Variants in SLC27A3 observed in about 807,000 individuals in gnomAD.
The protein encoded by SLC27A3 is long-chain fatty acid transport protein 3.
In SLC27A3, 60 loss-of-function variants were observed where a neutral mutation model predicts 60.1. The observed-to-expected ratio is 1.00, with a 90% CI of 0.81 to 1.24. The LOEUF is 1.24. Among genes scored for constraint, SLC27A3 ranks in the 50% most tolerant of loss-of-function variants. The probability of loss-of-function intolerance (pLI) is 0.00; values close to 1 mark genes in which losing one functional copy is unlikely to be tolerated. For missense variants in SLC27A3, 1,079 were observed against 929.9 expected (o/e 1.16, Z -2.09); for synonymous variants, 455 against 409.0 (o/e 1.11, Z -1.36).
chr1:153,779,995 G>A lies in SLC27A3; in HGVS notation c.2045G>A (p.Arg682Gln), dbSNP rs201820055. The A allele has an allele frequency of 7.0e-5, 112 of 1,611,326 alleles. No homozygotes were observed. The highest frequency in any genetic ancestry group is 4.7e-4 in the African/African-American group (35 of 74,952). The change falls in exon 10 of 10, where the codon CGA becomes CAA. Residue 682 changes from arginine to glutamine, a missense_variant. Arg to Gln is a conservative substitution (Grantham distance 43). Coordinates refer to ENST00000624995, the MANE Select transcript of SLC27A3 (RefSeq NM_024330.4). ...AGCGCCCTCCTGGCAGGAAACCTTC[G>A]AATCTGAGAACTTCCACACCTGAGG... ...RYSALLAGNL[R>Q]I
chr1:153,776,493 G>C, intron 1 of SLC27A3, 25 bp from the exon 2 acceptor site: 1 of 1,601,330 alleles, frequency 6.2e-7, no homozygotes, highest in Non-Finnish European at 8.5e-7. Context: ...CAGGGCCCCG[G>C]CGTTGTGCTT....
At chr1:153,778,393 G>A (rs1673346865) in intron 5 of SLC27A3, 38 bp downstream of exon 5, 4 of 1,613,846 alleles carry the variant, frequency 2.5e-6, no homozygotes, top group Non-Finnish European at 2.5e-6. Context: ...CCGTGGAACA[G>A]CAGAGGGCTG....
chr1:153,778,925 T>C, intron 7 of SLC27A3, 40 bp downstream of exon 7: 1 of 1,593,000 alleles, frequency 6.3e-7, no homozygotes, highest in Non-Finnish European at 8.6e-7. Flanking sequence ...GGACATCTGA[T>C]CTCTGTGATC....
chr1:153,779,491 C>T lies in SLC27A3; in HGVS notation c.1875+18C>T. 2 of 1,608,150 alleles carry T rather than the reference C, an allele frequency of 1.2e-6. No homozygotes were observed. The highest frequency in any genetic ancestry group is 1.7e-6 in the Non-Finnish European group (2 of 1,178,324). ...GGCTCCAGGTAACCGGCCACTTCCC[C>T]CGCCGGCCCCTCACCCCATATATCC... On this transcript the variant is annotated intron_variant, in intron 9 of 9. Coordinates refer to ENST00000624995, the MANE Select transcript of SLC27A3 (RefSeq NM_024330.4).
At chr1:153,778,137 C>CG (rs1558021447) in intron 4 of SLC27A3, 24 bp from the exon 5 acceptor site, 1 of 1,586,154 alleles carries the variant, frequency 6.3e-7, no homozygotes, top group South Asian at 1.1e-5. Flanking sequence ...GCTGAAGCTC[C>CG]GGCCCCTCTC....
chr1:153,777,421 A>G (rs1673286890), intron 3 of SLC27A3: 1 of 671,200 alleles, frequency 1.5e-6, no homozygotes. Flanking sequence ...ATACAGCCAC[A>G]TAACTCCAGG....
rs775572217 is a variant in SLC27A3, at chr1:153,776,135, G to A, written c.638G>A (p.Cys213Tyr). The stretch of plus-strand genomic sequence containing the variant: ...CCCCTGCTGCACTGCCTCCGCAGCT[G>A]CGGCGCGCGCGCGCTGGTGCTGGCG... ...RGPLLHCLRS[C>Y]GARALVLAPE... Residue 213 changes from cysteine to tyrosine, a missense_variant, in exon 1 of 10, where the codon TGC (cysteine) becomes TAC (tyrosine). Coordinates refer to ENST00000624995, the MANE Select transcript of SLC27A3 (RefSeq NM_024330.4). 1 of 1,436,874 alleles carries A rather than the reference G, an allele frequency of 7.0e-7. No individual in the cohort carries two copies. The highest frequency in any genetic ancestry group is 9.0e-7 in the Non-Finnish European group (1 of 1,108,336). The allele number at this position is 1,436,874 out of a possible 1,614,324, so 89.0% of individuals were successfully genotyped here.
In SLC27A3 at chr1:153,775,679, C is replaced by T; in HGVS notation, c.182C>T (p.Pro61Leu). Residue 61 changes from proline to leucine, a missense_variant, in exon 1 of 10, where the codon CCC (proline) becomes CTC (leucine). Pro to Leu is a moderately conservative substitution (Grantham distance 98). Transcript: ENST00000624995. ...LAAAAADPEGPEGGCSLAWRL... is the reference protein window; with the variant it reads ...LAAAAADPEGLEGGCSLAWRL... ...GCGGCTGCCGCCGACCCGGAAGGTC[C>T]CGAGGGGGGCTGCAGCCTGGCCTGG... is the stretch of plus-strand genomic sequence containing the variant. The T allele has an allele frequency of 6.5e-7, 1 of 1,533,576 alleles. No individual in the cohort carries two copies. The highest frequency in any genetic ancestry group is 8.8e-7 in the Non-Finnish European group (1 of 1,142,508). The allele number at this position is 1,533,576 out of a possible 1,614,324, so 95.0% of individuals were successfully genotyped here.
chr1:153,778,793 G>T lies in SLC27A3; in HGVS notation c.1554G>T (p.Arg518=). 1.2e-6 allele frequency: 2 copies of T among 1,614,120 alleles called. No homozygotes were observed. Among genetic ancestry groups the T allele is most frequent in the Non-Finnish European group, 1.7e-6 (2 of 1,180,004 alleles). ...AQGKLLKDVF[R]PGDVFFNTGD... Reference sequence around the variant, plus strand: ...GGAAGTTGCTAAAGGATGTCTTCCGGCCTGGGGATGTTTTCTTCAACACTG... The same window carrying T: ...GGAAGTTGCTAAAGGATGTCTTCCGTCCTGGGGATGTTTTCTTCAACACTG... Residue 518 remains arginine, a synonymous_variant, in exon 7 of 10, where the codon CGG becomes CGT. Transcript: ENST00000624995.
chr1:153,775,536 A>G lies in SLC27A3; in HGVS notation c.39A>G (p.Leu13=), dbSNP rs1343647443. The G allele has an allele frequency of 9.3e-6, 15 of 1,612,326 alleles. No individual in the cohort carries two copies. In the Middle Eastern group the frequency reaches 4.9e-4, roughly 53 times the overall value. The stretch of plus-strand genomic sequence containing the variant: ...TGCTGCTGCCCCTGCTGCTGTTGCT[A>G]CCGCTGCTGCTGCTGAAGCTACACC... The part of the protein sequence containing the change: ...ALLLLPLLLL[L]PLLLLKLHLW... The change falls in exon 1 of 10, where the codon CTA becomes CTG. Residue 13 remains leucine, a synonymous_variant. Coordinates refer to ENST00000624995, the MANE Select transcript of SLC27A3 (RefSeq NM_024330.4).
At position 153,775,947 on chromosome 1, in the gene SLC27A3, A is replaced by C. The variant is rs902750457; in HGVS notation, c.450A>C (p.Gly150=). The C allele has an allele frequency of 6.9e-7, 1 of 1,449,748 alleles. No homozygotes were observed. Among genetic ancestry groups the C allele is most frequent in the African/African-American group, 1.5e-5 (1 of 67,160 alleles). 89.8% of individuals were successfully genotyped at this position (1,449,748 alleles called of 1,614,324 possible). ...CCGGAAGCGGCGCGGAGTTTGCCGG[A>C]GGGGACGGTGCCGCCAGAGGTGGAG... ...AAAGSGAEFA[G]GDGAARGGGA... The change falls in exon 1 of 10, where the codon GGA becomes GGC. Residue 150 remains glycine (G), a synonymous_variant. Transcript: ENST00000624995.
chr1:153,777,212 T>G lies in SLC27A3; in HGVS notation c.1028T>G (p.Met343Arg). The G allele has an allele frequency of 6.2e-7, 1 of 1,614,246 alleles. No individual in the cohort carries two copies. Among genetic ancestry groups the G allele is most frequent in the Non-Finnish European group, 8.5e-7 (1 of 1,180,042 alleles). Residue 343 changes from methionine to arginine, a missense_variant, in exon 3 of 10, where the codon ATG becomes AGG. Met to Arg is a moderately conservative substitution (Grantham distance 91). Transcript: ENST00000624995. ...TCCCTGCTGGGCATCGTGGGCTGCATGGGCATTGGTCAGTCTCCCCAACCC... is the reference window on the plus strand; with the variant it reads ...TCCCTGCTGGGCATCGTGGGCTGCAGGGGCATTGGTCAGTCTCCCCAACCC... The part of the protein sequence containing the change: ...SGSLLGIVGC[M>R]GIGATVVLKS...
chr1:153,776,029 C>A lies in SLC27A3; in HGVS notation c.532C>A (p.Pro178Thr). The change falls in exon 1 of 10, where the codon CCA (proline) becomes ACA (threonine). Residue 178 changes from proline to threonine, a missense_variant. Pro to Thr is a conservative substitution (Grantham distance 38). Transcript: ENST00000624995. ...ATVALLLPAGPEFLWLWFGLA... is the reference protein window; with the variant it reads ...ATVALLLPAGTEFLWLWFGLA... Reference sequence around the variant, plus strand: ...TGTGGCGCTGCTCCTCCCCGCTGGCCCAGAGTTTCTGTGGCTCTGGTTCGG... The same window carrying A: ...TGTGGCGCTGCTCCTCCCCGCTGGCACAGAGTTTCTGTGGCTCTGGTTCGG... 1 of 1,454,462 alleles carries A rather than the reference C, an allele frequency of 6.9e-7. No individual in the cohort carries two copies. The highest frequency in any genetic ancestry group is 9.0e-7 in the Non-Finnish European group (1 of 1,110,936). 90.1% of individuals were successfully genotyped at this position (1,454,462 alleles called of 1,614,324 possible).
rs112622728 is a variant in SLC27A3, at chr1:153,779,301, G to A, written c.1745-42G>A. 2,813 of 1,613,692 alleles carry A rather than the reference G, an allele frequency of 1.7e-3. 4 individuals carry two copies. Among genetic ancestry groups the A allele is most frequent in the Non-Finnish European group, 2.2e-3 (2,607 of 1,179,672 alleles). Reference sequence around the variant, plus strand: ...CAGGGAGCACGAGGCCTTCGTGGTGGTCAGCCATGGAGGGGCTTACTCTGT... The same window carrying A: ...CAGGGAGCACGAGGCCTTCGTGGTGATCAGCCATGGAGGGGCTTACTCTGT... On this transcript the variant is annotated intron_variant, in intron 8 of 9. Transcript: ENST00000624995.
Position 153,778,231 on chromosome 1 carries a change from G to A in SLC27A3, c.1232G>A (p.Arg411His), listed in dbSNP as rs201939587. The change falls in exon 5 of 10, where the codon CGT (arginine) becomes CAT (histidine). Residue 411 changes from arginine (R) to histidine (H), a missense_variant. Physicochemically the swap from Arg to His is conservative, Grantham distance 29 (BLOSUM62 0). Coordinates refer to ENST00000624995, the MANE Select transcript of SLC27A3 (RefSeq NM_024330.4). The part of the protein sequence containing the change: ...GSGLRPDTWE[R>H]FVRRFGPLQV... ...GGGCTGCGCCCAGATACCTGGGAGC[G>A]TTTTGTGCGGCGCTTCGGGCCCCTG... 1.4e-4 allele frequency: 222 copies of A among 1,613,830 alleles called. 1 individual carries two copies. The South Asian group carries it at 1.6e-3, about 11-fold the overall frequency.
chr1:153,778,008 TAAG>T lies in SLC27A3; in HGVS notation c.1161+124_1161+126del, dbSNP rs369160355. The T allele has an allele frequency of 4.0e-6, 6 of 1,505,952 alleles. No individual in the cohort carries two copies. In the East Asian group the frequency reaches 1.4e-4, roughly 35 times the overall value. 93.3% of individuals were successfully genotyped at this position (1,505,952 alleles called of 1,614,324 possible). On this transcript the variant is annotated intron_variant, in intron 4 of 9. Coordinates refer to ENST00000624995, the MANE Select transcript of SLC27A3 (RefSeq NM_024330.4). Reference sequence around the variant, plus strand: ...GCAAGAAGAAAATGGCAGTGTAAGATAAGGAGCCAGAGATGGCCTAGGCCATCT... The same window carrying T: ...GCAAGAAGAAAATGGCAGTGTAAGATGAGCCAGAGATGGCCTAGGCCATCT...
chr1:153,776,588 C>T lies in SLC27A3; in HGVS notation c.738C>T (p.Gly246=). 3 of 1,614,192 alleles carry T rather than the reference C, an allele frequency of 1.9e-6. No homozygotes were observed. The highest frequency in any genetic ancestry group is 2.2e-5 in the East Asian group (1 of 44,880). ...TGGGGCTCCACCTGTGGGCTGCAGGCCCAGGAACCCACCCTGCTGGAATTA... is the reference window on the plus strand; with the variant it reads ...TGGGGCTCCACCTGTGGGCTGCAGGTCCAGGAACCCACCCTGCTGGAATTA... ...RAMGLHLWAA[G]PGTHPAGISD... is the part of the protein sequence containing the mutation. Residue 246 remains glycine (G), a synonymous_variant, in exon 2 of 10, where the codon GGC becomes GGT. Coordinates refer to ENST00000624995, the MANE Select transcript of SLC27A3 (RefSeq NM_024330.4).
In SLC27A3 at chr1:153,778,796, T is replaced by C; in HGVS notation, c.1557T>C (p.Pro519=). The C allele has an allele frequency of 6.2e-7, 1 of 1,614,132 alleles. No homozygotes were observed. ...AGTTGCTAAAGGATGTCTTCCGGCCTGGGGATGTTTTCTTCAACACTGGGG... is the reference window on the plus strand; with the variant it reads ...AGTTGCTAAAGGATGTCTTCCGGCCCGGGGATGTTTTCTTCAACACTGGGG... ...QGKLLKDVFR[P]GDVFFNTGDL... is the part of the protein sequence containing the mutation. The change falls in exon 7 of 10, where the codon CCT becomes CCC. Residue 519 remains proline, a synonymous_variant. Coordinates refer to ENST00000624995, the MANE Select transcript of SLC27A3 (RefSeq NM_024330.4).
At position 153,776,127 on chromosome 1, in the gene SLC27A3, C is replaced by T. The variant is rs759754801; in HGVS notation, c.630C>T (p.Leu210=). The T allele has an allele frequency of 6.2e-6, 9 of 1,453,062 alleles. No homozygotes were observed. In the African/African-American group the frequency reaches 1.2e-4, roughly 19 times the overall value. The allele number at this position is 1,453,062 out of a possible 1,614,324, so 90.0% of individuals were successfully genotyped here. ...ALRRGPLLHC[L]RSCGARALVL... Reference sequence around the variant, plus strand: ...GCCGGGGCCCCCTGCTGCACTGCCTCCGCAGCTGCGGCGCGCGCGCGCTGG... The same window carrying T: ...GCCGGGGCCCCCTGCTGCACTGCCTTCGCAGCTGCGGCGCGCGCGCGCTGG... Residue 210 remains leucine, a synonymous_variant, in exon 1 of 10, where the codon CTC becomes CTT. Coordinates refer to ENST00000624995, the MANE Select transcript of SLC27A3 (RefSeq NM_024330.4).
Sources: gnomAD v4.1 joint callset for allele counts on GRCh38, gnomAD v4.1.1 for gene constraint, MANE v1.5 for transcripts, NCBI Gene and HGNC (gene_info 2026-07-23, HGNC 2026-07-21) for gene names.